The following ADAMTSL1 variants were observed in gnomAD, a reference collection of about 807,000 sequenced individuals.
ADAMTSL1 encodes ADAMTS like 1.
A neutral mutation model predicts 201.8 loss-of-function variants in ADAMTSL1; 126 were observed. The ratio of observed to expected loss-of-function variants is 0.62; its 90% CI spans 0.54 to 0.72. The LOEUF (loss-of-function observed/expected upper bound fraction) is 0.72. Among genes scored for constraint, ADAMTSL1 ranks in the 30% least tolerant of loss-of-function variants. ADAMTSL1 has a pLI of 0.00. For synonymous variants in ADAMTSL1, 1,121 were observed against 903.4 expected (o/e 1.24, Z -4.32); for missense variants, 2,679 against 2,277.8 (o/e 1.18, Z -3.59).
At chr9:17,974,467 C>G (rs1818355567) in intron 1 of ADAMTSL1, among the ~76,000 whole-genome samples, 1 of 151,972 alleles carries the variant, frequency 6.6e-6, no homozygotes, top group Non-Finnish European at 1.5e-5. Flanking sequence ...ATCTCTGAAA[C>G]TTATTCATCC....
chr9:18,364,229 A>G (rs1412954649), intron 2 of ADAMTSL1, among the ~76,000 whole-genome samples: 1 of 152,138 alleles, frequency 6.6e-6, no homozygotes, highest in East Asian at 1.9e-4. Flanking sequence ...CTCCCACTCA[A>G]CCAAATAGCA....
chr9:18,242,145 C>G (rs779877247), intron 2 of ADAMTSL1, among the ~76,000 whole-genome samples: 27 of 152,186 alleles, frequency 1.8e-4, no homozygotes, highest in Non-Finnish European at 3.7e-4. Flanking sequence ...AACAACACAT[C>G]AAAAAGATTT....
At chr9:17,919,209 A>G (rs1022616523) in intron 1 of ADAMTSL1, among the ~76,000 whole-genome samples, 3 of 151,866 alleles carry the variant, frequency 2.0e-5, no homozygotes, top group Non-Finnish European at 4.4e-5. Context: ...TGTAGTGGCA[A>G]TAGTGAGCCA....
At chr9:18,714,644 T>G (rs1316982501) in intron 14 of ADAMTSL1, among the ~76,000 whole-genome samples, 4 of 148,390 alleles carry the variant, frequency 2.7e-5, no homozygotes, top group African/African-American at 9.8e-5. Flanking sequence ...ACCAGATGGA[T>G]TCACAGCCGA....
At chr9:18,057,322 T>G (rs1822239095) in intron 1 of ADAMTSL1, among the ~76,000 whole-genome samples, 1 of 152,236 alleles carries the variant, frequency 6.6e-6, no homozygotes, top group Non-Finnish European at 1.5e-5. Context: ...TTTCCCTATC[T>G]AATTCATTTT....
intron 2 of ADAMTSL1, among the ~76,000 whole-genome samples, chr9:18,378,239 T>C (rs576486740): frequency 6.6e-6 from 1 of 152,306 alleles, no homozygotes; most frequent in African/African-American, 2.4e-5. Flanking sequence ...GCAAGGATTG[T>C]TATTTGAGGA....
intron 4 of ADAMTSL1, among the ~76,000 whole-genome samples, chr9:18,600,185 A>G (rs772749486): frequency 6.6e-6 from 1 of 152,068 alleles, no homozygotes; most frequent in Non-Finnish European, 1.5e-5. Flanking sequence ...CCCAAAGGCT[A>G]TATAGGCTAG....
At chr9:18,288,834 A>G (rs903873992) in intron 2 of ADAMTSL1, among the ~76,000 whole-genome samples, 5 of 152,210 alleles carry the variant, frequency 3.3e-5, no homozygotes, top group Admixed American at 6.5e-5. Flanking sequence ...AGTATGATCT[A>G]AATCAGAAGT....
intron 3 of ADAMTSL1, among the ~76,000 whole-genome samples, chr9:18,557,856 T>C (rs114625857): frequency 0.019 from 2,941 of 152,136 alleles, 82 homozygotes; most frequent in African/African-American, 0.061. Context: ...TTTTTTTCTA[T>C]TTAGCATGTT....
intron 2 of ADAMTSL1, among the ~76,000 whole-genome samples, chr9:18,190,757 A>C (rs924121402): frequency 2.6e-5 from 4 of 152,188 alleles, no homozygotes; most frequent in African/African-American, 4.8e-5. Context: ...TCCATTTGAT[A>C]ACCATTCTCC....
intron 2 of ADAMTSL1, among the ~76,000 whole-genome samples, chr9:18,305,166 A>C (rs1170482283): frequency 6.6e-6 from 1 of 152,212 alleles, no homozygotes; most frequent in East Asian, 1.9e-4. Context: ...GCAACACTGC[A>C]CTCTGGCCCA....
At chr9:18,894,807 C>T (rs924113415) in intron 26 of ADAMTSL1, among the ~76,000 whole-genome samples, 1 of 152,102 alleles carries the variant, frequency 6.6e-6, no homozygotes, top group African/African-American at 2.4e-5. Context: ...TAGATGGTAT[C>T]ACCCAGAGAG....
At chr9:18,298,614 A>G (rs1833568758) in intron 2 of ADAMTSL1, among the ~76,000 whole-genome samples, 1 of 150,964 alleles carries the variant, frequency 6.6e-6, no homozygotes, top group African/African-American at 2.4e-5. Flanking sequence ...TCATTTAACC[A>G]TTTCTTCTTC....
rs530285596 is a variant in ADAMTSL1 at position 18,404,860 on chromosome 9, T to A, written c.208-99969T>A. On this transcript the variant is annotated intron_variant, in intron 2 of 29. Transcript: ENST00000680146. ...TGGAAAACAATTACTCACCCTTTTATTCCACTTCCCCTTTTTCCAGGTTGT... is the reference window on the plus strand; with the variant it reads ...TGGAAAACAATTACTCACCCTTTTAATCCACTTCCCCTTTTTCCAGGTTGT... Among the ~76,000 whole-genome samples, 7 of 152,280 alleles carry A rather than the reference T, an allele frequency of 4.6e-5. No individual in the cohort carries two copies. The South Asian group carries it at 1.5e-3, about 32-fold the overall frequency.
chr9:18,630,591 T>G (rs1826696683), intron 5 of ADAMTSL1, among the ~76,000 whole-genome samples: 1 of 152,186 alleles, frequency 6.6e-6, no homozygotes, highest in Non-Finnish European at 1.5e-5. Context: ...GCCTAGGAAC[T>G]CTATCAAGGC....
At chr9:18,703,701 CATATATATATATATATATATAT>C (rs72258520) in intron 13 of ADAMTSL1, among the ~76,000 whole-genome samples, 17 of 78,824 alleles carry the variant, frequency 2.2e-4, no homozygotes, top group Admixed American at 5.6e-4. Context: ...TGCGCACATA[CATATATATATATATATATATAT>C]ATATATATAT....
chr9:17,921,082 CT>C (rs1347573578), intron 1 of ADAMTSL1, among the ~76,000 whole-genome samples: 1 of 152,114 alleles, frequency 6.6e-6, no homozygotes, highest in Non-Finnish European at 1.5e-5. Context: ...TATGTGTTTG[CT>C]TTTTGTAAAA....
chr9:18,541,807 AG>A (rs1820168282), intron 3 of ADAMTSL1, among the ~76,000 whole-genome samples: 2 of 152,256 alleles, frequency 1.3e-5, no homozygotes, highest in Admixed American at 6.5e-5. Flanking sequence ...AAACAAATGG[AG>A]GATGGCTGGT....
chr9:18,586,261 G>C (rs1413144711), intron 4 of ADAMTSL1, among the ~76,000 whole-genome samples: 1 of 152,120 alleles, frequency 6.6e-6, no homozygotes, highest in African/African-American at 2.4e-5. Flanking sequence ...TAAAATCATT[G>C]TACAAAAATC....
Sources: allele counts gnomAD v4.1 joint callset (sites outside exome capture counted in the v4.1 genomes callset), GRCh38; gene constraint gnomAD v4.1.1; transcripts MANE v1.5; gene names NCBI Gene and HGNC (gene_info 2026-07-23, HGNC 2026-07-21).